The following ACOX1 variants were observed in gnomAD, a reference collection of about 807,000 sequenced individuals.
ACOX1 encodes acyl-CoA oxidase 1.
In ACOX1, 41 loss-of-function variants were observed where a neutral mutation model predicts 75.5. The observed-to-expected ratio is 0.54, with a 90% CI of 0.42 to 0.70. The LOEUF (loss-of-function observed/expected upper bound fraction) is 0.70. Among genes scored for constraint, ACOX1 ranks in the 30% least tolerant of loss-of-function variants. The pLI, the probability that ACOX1 is intolerant of heterozygous loss-of-function variation, is 0.00. For missense variants in ACOX1, 630 were observed against 837.5 expected (o/e 0.75, Z 3.06); for synonymous variants, 303 against 298.8 (o/e 1.01, Z -0.15).
chr17:75,968,883 C>T (rs2065967266), intron 2 of ACOX1, among the ~76,000 whole-genome samples: 5 of 150,182 alleles, frequency 3.3e-5, no homozygotes, highest in Admixed American at 1.3e-4. Context: ...GATCACGCCA[C>T]TGCACTCCAG....
chr17:75,956,695 A>C (rs2065826866), intron 4 of ACOX1, among the ~76,000 whole-genome samples: 1 of 151,722 alleles, frequency 6.6e-6, no homozygotes, highest in Non-Finnish European at 1.5e-5. Flanking sequence ...CTCAAAAAAA[A>C]AAAAAAGTTT....
rs540691534 is a variant in ACOX1, at chr17:75,963,420, G to A, written c.270-3045C>T. ...GCATGGACTAAAGACTGTGACTGCAGGCCGGGCGCGGTGGCTCACACCTGT... is the reference window on the plus strand; with the variant it reads ...GCATGGACTAAAGACTGTGACTGCAAGCCGGGCGCGGTGGCTCACACCTGT... On this transcript the variant is annotated intron_variant, in intron 2 of 13. Transcript: ENST00000293217. 6.6e-5 allele frequency among the ~76,000 whole-genome samples: 10 copies of A among 152,096 alleles called. No homozygotes were observed. The South Asian group carries it at 2.1e-3, about 32-fold the overall frequency.
At position 75,978,987 on chromosome 17, in the gene ACOX1, T is replaced by C. The variant is rs755979639; in HGVS notation, c.87A>G (p.Lys29=). 4 of 1,610,926 alleles carry C rather than the reference T, an allele frequency of 2.5e-6. No homozygotes were observed. The highest frequency in any genetic ancestry group is 1.1e-5 in the South Asian group (1 of 91,070). The change falls in exon 1 of 14, where the codon AAA becomes AAG. Residue 29 remains lysine, a synonymous_variant. Coordinates refer to ENST00000293217, the MANE Select transcript of ACOX1 (RefSeq NM_004035.7). This position sits in a 1 kb window ranked among gnomAD's most constrained non-coding sequence, Gnocchi z 4.2. ...CACCGATCTCTCGGCGGCGCCGGGT[T>C]TTCTCGGGGCTGCCGTCCAGGATGT... ...LTHILDGSPE[K]TRRRREIENM...
At position 75,956,971 on chromosome 17, in the gene ACOX1, CTATATATATATATATATATATATATA is replaced by C. The variant is rs139218689; in HGVS notation, c.538+462_538+487del. ...TCTCTCTCTCTCTCTCTCTCTCTCTCTATATATATATATATATATATATATATATATATATATACACACACACACCT... is the reference window on the plus strand; with the variant it reads ...TCTCTCTCTCTCTCTCTCTCTCTCTCTATATATATATACACACACACACCT... On this transcript the variant is annotated intron_variant, in intron 4 of 13. Coordinates refer to ENST00000293217, the MANE Select transcript of ACOX1 (RefSeq NM_004035.7). Among the ~76,000 whole-genome samples the C allele has an allele frequency of 8.7e-5, 3 of 34,312 alleles. No homozygotes were observed. In the South Asian group the frequency reaches 3.6e-3, roughly 41 times the overall value. The allele number at this position is 34,312 out of a possible 152,430, so 22.5% of individuals were successfully genotyped here.
intron 2 of ACOX1, among the ~76,000 whole-genome samples, chr17:75,961,334 AT>A (rs1464884646): frequency 6.6e-6 from 1 of 150,642 alleles, no homozygotes. Context: ...GAAAAGTTGT[AT>A]AGGGCCAGGC....
At chr17:75,949,670 G>A (rs2065755927) in intron 10 of ACOX1, 48 bp downstream of exon 10, 1 of 1,613,550 alleles carries the variant, frequency 6.2e-7, no homozygotes, top group African/African-American at 1.3e-5. Context: ...CATCTGTCAG[G>A]GCCCCAGCCC....
At position 75,969,954 on chromosome 17, in the gene ACOX1, G is replaced by T. The variant is rs561170772; in HGVS notation, c.269+8580C>A. On this transcript the variant is annotated intron_variant, in intron 2 of 13. Transcript: ENST00000293217. The stretch of plus-strand genomic sequence containing the variant: ...AATCCCAGCACTTTGGGAGGCCGAG[G>T]TGGGCAGATCGCCTGAGGTCAGGAG... Among the ~76,000 whole-genome samples, 17 of 152,146 alleles carry T rather than the reference G, an allele frequency of 1.1e-4. No individual in the cohort carries two copies. In the South Asian group the frequency reaches 2.9e-3, roughly 26 times the overall value.
chr17:75,960,140 A>C lies in ACOX1; in HGVS notation c.430+75T>G. On this transcript the variant is annotated intron_variant, in intron 3 of 13. Transcript: ENST00000293217. The surrounding 1 kb of genome is among the most constrained non-coding windows in gnomAD (Gnocchi z 4.4). ...AGAACATCGACACACCATCGATGGC[A>C]CATGGTGGGCACTCCACACATGGTA... The C allele has an allele frequency of 6.4e-7, 1 of 1,566,732 alleles. No homozygotes were observed. The highest frequency in any genetic ancestry group is 8.8e-7 in the Non-Finnish European group (1 of 1,139,842).
chr17:75,946,891 C>T, intron 13 of ACOX1, 96 bp from the exon 14 acceptor site: 1 of 1,141,002 alleles, frequency 8.8e-7, no homozygotes, highest in African/African-American at 1.5e-5. Context: ...TTTTTTGAGA[C>T]TGAGTCCTGC....
intron 2 of ACOX1, among the ~76,000 whole-genome samples, chr17:75,974,882 G>A (rs2066030773): frequency 1.3e-5 from 2 of 150,588 alleles, no homozygotes; most frequent in Admixed American, 1.3e-4. Flanking sequence ...CCGTCTCTAC[G>A]AAAAATACAA....
Position 75,941,915 on chromosome 17 carries a change from C to T in ACOX1, c.*4833G>A, listed in dbSNP as rs951763664. On this transcript the variant is annotated 3_prime_UTR_variant, in exon 14 of 14. Coordinates refer to ENST00000293217, the MANE Select transcript of ACOX1 (RefSeq NM_004035.7). ...CACATTTACTAAGAAACACTCAAAA[C>T]ATATTTTGGTTCAGAATTCTAAAAA... 2 of 152,182 alleles carry T rather than the reference C, an allele frequency of 1.3e-5. No individual in the cohort carries two copies. Among genetic ancestry groups the T allele is most frequent in the Non-Finnish European group, 2.9e-5 (2 of 68,040 alleles). 9.4% of individuals were successfully genotyped at this position (152,182 alleles called of 1,614,324 possible). A position where few individuals can be genotyped will look rare whatever the true frequency, so the allele number is the denominator to read the frequency against.
intron 9 of ACOX1, 55 bp from the exon 10 acceptor site, chr17:75,949,952 T>C (rs916230202): frequency 2.0e-5 from 32 of 1,596,348 alleles, no homozygotes; most frequent in Non-Finnish European, 2.5e-5. Flanking sequence ...TTGTTTCTTT[T>C]GAGATGGAGT....
rs1373400020 is a variant in ACOX1, at chr17:75,950,797, A to G, written c.1275T>C (p.Thr425=). ...TPSCTFEGEN[T]VMMLQTARFL... ...ACCTAGCCGTCTGGAGCATCATGAC[A>G]GTGTTTTCTCCCTCAAAGGTACAGC... is the stretch of plus-strand genomic sequence containing the variant. The change falls in exon 9 of 14, where the codon ACT becomes ACC. Residue 425 remains threonine, a synonymous_variant. Transcript: ENST00000293217. This position sits in a 1 kb window ranked among gnomAD's most constrained non-coding sequence, Gnocchi z 4.3. 1 of 1,614,150 alleles carries G rather than the reference A, an allele frequency of 6.2e-7. No individual in the cohort carries two copies. The highest frequency in any genetic ancestry group is 1.3e-5 in the African/African-American group (1 of 75,046).
At chr17:75,971,741 CA>C (rs11324447) in intron 2 of ACOX1, among the ~76,000 whole-genome samples, 18,722 of 115,944 alleles carry the variant, frequency 0.16, 1,461 homozygotes, top group African/African-American at 0.28. Flanking sequence ...GACTCTGACT[CA>C]AAAAAAAAAA....
At position 75,960,112 on chromosome 17, in the gene ACOX1, C is replaced by A; in HGVS notation, c.430+103G>T. On this transcript the variant is annotated intron_variant, in intron 3 of 13. Coordinates refer to ENST00000293217, the MANE Select transcript of ACOX1 (RefSeq NM_004035.7). The surrounding 1 kb of genome is among the most constrained non-coding windows in gnomAD (Gnocchi z 4.4). ...GCAGAAAGAGCTCATTTAAACAGAC[C>A]ATAGAACATCGACACACCATCGATG... 2 of 1,449,938 alleles carry A rather than the reference C, an allele frequency of 1.4e-6. No individual in the cohort carries two copies. Among genetic ancestry groups the A allele is most frequent in the South Asian group, 1.2e-5 (1 of 85,204 alleles). 89.8% of individuals were successfully genotyped at this position (1,449,938 alleles called of 1,614,324 possible). A position where few individuals can be genotyped will look rare whatever the true frequency, so the allele number is the denominator to read the frequency against.
At chr17:75,972,946 G>A (rs60069718) in intron 2 of ACOX1, among the ~76,000 whole-genome samples, 7,547 of 152,116 alleles carry the variant, frequency 0.05, 207 homozygotes, top group East Asian at 0.095. Flanking sequence ...CATGAGGCTG[G>A]GCAGTTCAAA....
In ACOX1 at chr17:75,978,950, G is replaced by A; in HGVS notation, c.109+15C>T. On this transcript the variant is annotated intron_variant, in intron 1 of 13. Transcript: ENST00000293217. This position sits in a 1 kb window ranked among gnomAD's most constrained non-coding sequence, Gnocchi z 4.2. ...TTTCTCGGGAAAGGAGGGAGGTCTC[G>A]CCCGCCGCCCTCACCGATCTCTCGG... The A allele has an allele frequency of 1.9e-6, 3 of 1,608,634 alleles. No individual in the cohort carries two copies. The highest frequency in any genetic ancestry group is 8.5e-7 in the Non-Finnish European group (1 of 1,179,874).
chr17:75,947,520 T>TAA, intron 13 of ACOX1, among the ~76,000 whole-genome samples: 1 of 152,132 alleles, frequency 6.6e-6, no homozygotes, highest in Non-Finnish European at 1.5e-5. Flanking sequence ...TGTGCATCAC[T>TAA]GAGCCTGGCC....
At chr17:75,953,919 G>C (rs8076106) in intron 6 of ACOX1, among the ~76,000 whole-genome samples, 3 of 152,276 alleles carry the variant, frequency 2.0e-5, no homozygotes, top group Non-Finnish European at 4.4e-5. Context: ...TTTCACTGTC[G>C]CAGTAAAAGA....
Sources: allele counts gnomAD v4.1 joint callset (sites outside exome capture counted in the v4.1 genomes callset), GRCh38; gene constraint gnomAD v4.1.1; non-coding constraint Gnocchi (gnomAD v3.1); transcripts MANE v1.5; gene names NCBI Gene and HGNC (gene_info 2026-07-23, HGNC 2026-07-21).